POFUT3: variants seen among roughly 807,000 people sequenced by gnomAD.
The protein encoded by POFUT3 is protein O-fucosyltransferase 3.
chr8:33,314,619 C>T, the POFUT3 span, among the ~76,000 whole-genome samples: 15 of 152,120 alleles, frequency 9.9e-5, no homozygotes, highest in African/African-American at 3.1e-4. Flanking sequence ...ATACCATGTA[C>T]GTGTTAGCTT....
chr8:33,361,794 T>C, the POFUT3 span, among the ~76,000 whole-genome samples: 1 of 152,232 alleles, frequency 6.6e-6, no homozygotes, highest in African/African-American at 2.4e-5. Context: ...TTAAGGCATT[T>C]TTCATGTTCC....
the POFUT3 span, chr8:33,436,233 T>C: frequency 2.2e-6 from 3 of 1,336,880 alleles, no homozygotes; most frequent in African/African-American, 2.9e-5. Flanking sequence ...CCACGAAGGG[T>C]GTATTCTCAT....
chr8:33,469,478 G>C, the POFUT3 span, among the ~76,000 whole-genome samples: 1 of 151,990 alleles, frequency 6.6e-6, no homozygotes, highest in African/African-American at 2.4e-5. Flanking sequence ...AATTTCAGGA[G>C]AGACCAGTAG....
the POFUT3 span, among the ~76,000 whole-genome samples, chr8:33,403,970 C>T: frequency 5.3e-5 from 8 of 152,166 alleles, 1 homozygote; most frequent in South Asian, 1.7e-3. Context: ...AAAGCTGTGG[C>T]AGGACACATC....
At chr8:33,441,192 A>G in the POFUT3 span, among the ~76,000 whole-genome samples, 1 of 151,596 alleles carries the variant, frequency 6.6e-6, no homozygotes, top group East Asian at 2.0e-4. Context: ...TTAGCCAGGC[A>G]TGGTGGTGCA....
chr8:33,445,310 A>C, the POFUT3 span, among the ~76,000 whole-genome samples: 2 of 152,140 alleles, frequency 1.3e-5, no homozygotes, highest in Non-Finnish European at 2.9e-5. Flanking sequence ...ACTTCCCAAA[A>C]AAGTCTTAAA....
At chr8:33,381,271 T>C in the POFUT3 span, among the ~76,000 whole-genome samples, 3 of 152,228 alleles carry the variant, frequency 2.0e-5, no homozygotes, top group Admixed American at 1.3e-4. Context: ...TAAATACAGA[T>C]AGGAAATCAC....
At chr8:33,374,592 TA>T in the POFUT3 span, among the ~76,000 whole-genome samples, 1 of 152,132 alleles carries the variant, frequency 6.6e-6, no homozygotes, top group Non-Finnish European at 1.5e-5. Flanking sequence ...CTCTGCAGTT[TA>T]GCAAGCAGTA....
the POFUT3 span, chr8:33,460,601 G>T: frequency 1.0e-5 from 3 of 291,294 alleles, no homozygotes; most frequent in East Asian, 3.5e-4. Flanking sequence ...TTTCAAAAGT[G>T]ATAACAATAG....
At chr8:33,453,593 C>A in the POFUT3 span, 1 of 1,211,708 alleles carries the variant, frequency 8.3e-7, no homozygotes, top group South Asian at 1.5e-5. Context: ...TGATTTAGCC[C>A]CTGACTCGTT....
At chr8:33,469,402 T>A in the POFUT3 span, among the ~76,000 whole-genome samples, 1 of 152,230 alleles carries the variant, frequency 6.6e-6, no homozygotes, top group Non-Finnish European at 1.5e-5. Context: ...GCATTTATTT[T>A]TATATAAAGC....
chr8:33,325,260 T>C, the POFUT3 span, among the ~76,000 whole-genome samples: 93 of 152,314 alleles, frequency 6.1e-4, 1 homozygote, highest in Non-Finnish European at 1.3e-3. Flanking sequence ...TCATCCTTTT[T>C]TCTTTCTCCT....
At chr8:33,399,687 C>T in the POFUT3 span, among the ~76,000 whole-genome samples, 1 of 151,762 alleles carries the variant, frequency 6.6e-6, no homozygotes, top group African/African-American at 2.4e-5. Flanking sequence ...TGGAGTCTCA[C>T]TGTATTGCCC....
At chr8:33,311,655 C>T in the POFUT3 span, among the ~76,000 whole-genome samples, 1 of 152,184 alleles carries the variant, frequency 6.6e-6, no homozygotes, top group Non-Finnish European at 1.5e-5. Flanking sequence ...GTGCACTCTA[C>T]TGTAATTTCT....
chr8:33,448,394 C>A, the POFUT3 span, among the ~76,000 whole-genome samples: 1 of 152,106 alleles, frequency 6.6e-6, no homozygotes, highest in Non-Finnish European at 1.5e-5. Flanking sequence ...TATGATCATG[C>A]CACTGCATTC....
chr8:33,380,189 C>CTA, the POFUT3 span, among the ~76,000 whole-genome samples: 163 of 39,898 alleles, frequency 4.1e-3, 5 homozygotes, highest in Non-Finnish European at 6.0e-3. Context: ...TATATATATA[C>CTA]TATATATATA....
chr8:33,408,222 G>A, the POFUT3 span, among the ~76,000 whole-genome samples: 1 of 151,604 alleles, frequency 6.6e-6, no homozygotes, highest in African/African-American at 2.4e-5. Context: ...GCTACTTGGA[G>A]GCTGAAGCAG....
the POFUT3 span, among the ~76,000 whole-genome samples, chr8:33,408,604 G>A: frequency 5.4e-4 from 82 of 152,108 alleles, no homozygotes; most frequent in African/African-American, 1.9e-3. Flanking sequence ...ATATAAGTGT[G>A]CAACAAAGGC....
the POFUT3 span, among the ~76,000 whole-genome samples, chr8:33,411,930 C>T: frequency 6.6e-6 from 1 of 152,238 alleles, no homozygotes; most frequent in Non-Finnish European, 1.5e-5. Flanking sequence ...CACTCAAAGT[C>T]TCTTCACTGT....
Sources: allele counts gnomAD v4.1 joint callset (sites outside exome capture counted in the v4.1 genomes callset), GRCh38; gene constraint gnomAD v4.1.1; transcripts MANE v1.5; gene names NCBI Gene and HGNC (gene_info 2026-07-23, HGNC 2026-07-21).